TRIT1: variants seen among roughly 807,000 people sequenced by gnomAD.
TRIT1 encodes tRNA dimethylallyltransferase.
TRIT1 carries 43 observed loss-of-function variants against 51.2 expected under a neutral mutation model. The observed-to-expected ratio is 0.84, with a 90% confidence interval of 0.66 to 1.08. The LOEUF (loss-of-function observed/expected upper bound fraction) is 1.08. Among genes scored for constraint, TRIT1 ranks in the 50% least tolerant of loss-of-function variants. The probability of loss-of-function intolerance (pLI) is 0.00; values close to 1 mark genes in which losing one functional copy is unlikely to be tolerated. For missense variants in TRIT1, 528 were observed against 578.4 expected, an observed-to-expected ratio of 0.91 and a Z score of 0.89; for synonymous variants, 184 against 203.9, an observed-to-expected ratio of 0.90 and a Z score of 0.83.
chr1:39,862,748 A>G, intron 1 of TRIT1: 3 of 984,644 alleles, frequency 3.0e-6, no homozygotes, highest in Non-Finnish European at 3.6e-6. Context: ...CCTAGAAAAC[A>G]TTCACATGTG....
intron 1 of TRIT1, among the ~76,000 whole-genome samples, chr1:39,878,684 C>A (rs924314303): frequency 8.5e-5 from 13 of 152,194 alleles, no homozygotes; most frequent in Non-Finnish European, 1.5e-4. Context: ...TGGTGTGTTA[C>A]AACAAAGAAG....
intron 5 of TRIT1, among the ~76,000 whole-genome samples, chr1:39,849,410 C>T (rs568815327): frequency 6.6e-6 from 1 of 152,158 alleles, no homozygotes; most frequent in East Asian, 1.9e-4. Flanking sequence ...TCTTTCCAGG[C>T]CTATCATAGG....
At chr1:39,848,652 G>A (rs1642376742) in intron 5 of TRIT1, among the ~76,000 whole-genome samples, 1 of 151,220 alleles carries the variant, frequency 6.6e-6, no homozygotes. Flanking sequence ...AGTGAAATCT[G>A]TCTCTACCAA....
intron 5 of TRIT1, among the ~76,000 whole-genome samples, chr1:39,849,509 A>G (rs1348037003): frequency 6.6e-6 from 1 of 152,150 alleles, no homozygotes; most frequent in Non-Finnish European, 1.5e-5. Flanking sequence ...AAATATATCT[A>G]GCCCAGCATT....
At chr1:39,855,427 A>C (rs1164038074) in intron 2 of TRIT1, among the ~76,000 whole-genome samples, 1 of 152,210 alleles carries the variant, frequency 6.6e-6, no homozygotes, top group Non-Finnish European at 1.5e-5. Context: ...GTAAGATAAA[A>C]TGTCAATTAT....
intron 4 of TRIT1, among the ~76,000 whole-genome samples, chr1:39,852,257 T>C (rs1485068041): frequency 6.6e-6 from 1 of 152,192 alleles, no homozygotes; most frequent in Non-Finnish European, 1.5e-5. Flanking sequence ...TGTGAGTTCA[T>C]TCACTACCTC....
At chr1:39,880,427 T>C (rs561501357) in intron 1 of TRIT1, among the ~76,000 whole-genome samples, 56 of 152,278 alleles carry the variant, frequency 3.7e-4, no homozygotes, top group African/African-American at 1.3e-3. Flanking sequence ...ATCAACAATA[T>C]CATTTTGTTT....
intron 1 of TRIT1, among the ~76,000 whole-genome samples, chr1:39,857,673 T>A (rs1262333821): frequency 6.6e-6 from 1 of 152,184 alleles, no homozygotes; most frequent in African/African-American, 2.4e-5. Flanking sequence ...GATATGTAAA[T>A]ACATGCCCAG....
intron 1 of TRIT1, among the ~76,000 whole-genome samples, chr1:39,868,952 C>T (rs1249397861): frequency 1.3e-5 from 2 of 152,046 alleles, no homozygotes; most frequent in African/African-American, 2.4e-5. Flanking sequence ...CCCAGCTAGT[C>T]GGGAGGCTGA....
chr1:39,865,901 GAAAA>G, intron 1 of TRIT1, among the ~76,000 whole-genome samples: 1 of 117,438 alleles, frequency 8.5e-6, no homozygotes, highest in East Asian at 2.3e-4. Context: ...GGAAAGAAAA[GAAAA>G]AGAAAGGAAG....
At chr1:39,880,278 A>T (rs1373265748) in intron 1 of TRIT1, among the ~76,000 whole-genome samples, 1 of 146,398 alleles carries the variant, frequency 6.8e-6, no homozygotes, top group East Asian at 1.9e-4. Context: ...TAAAAAAAAA[A>T]AAAAAAAAAA....
intron 4 of TRIT1, among the ~76,000 whole-genome samples, chr1:39,850,915 A>T (rs1277965769): frequency 6.6e-6 from 1 of 152,250 alleles, no homozygotes; most frequent in African/African-American, 2.4e-5. Flanking sequence ...TACTGGCACA[A>T]AGATCACTGA....
Position 39,841,598 on chromosome 1 carries a change from A to C in TRIT1, c.*146T>G. On this transcript the variant is annotated 3_prime_UTR_variant, in exon 11 of 11. Coordinates refer to ENST00000316891, the MANE Select transcript of TRIT1 (RefSeq NM_017646.6). ...TATTATAGAGAACGTGAGACTTTAA[A>C]ACCACATCAAAAGAAAATGGTGGGA... 1.3e-6 allele frequency: 1 copy of C among 791,974 alleles called. No individual in the cohort carries two copies. The allele number at this position is 791,974 out of a possible 1,614,324, so 49.1% of individuals were successfully genotyped here. A position where few individuals can be genotyped will look rare whatever the true frequency, so the allele number is the denominator to read the frequency against.
At chr1:39,844,042 C>T in intron 10 of TRIT1, 59 bp downstream of exon 10, 1 of 1,215,474 alleles carries the variant, frequency 8.2e-7, no homozygotes, top group Non-Finnish European at 1.2e-6. Context: ...CTCTAAATTT[C>T]ATGAAGTCAA....
rs1491234468 is a variant in TRIT1 at position 39,851,965 on chromosome 1, AGT to A, written c.560+764_560+765del. ...CTATCTCTTAAAAAAAAAAAAAAAAAGTAATAATAATAATGAATGTTTTAAAT... is the reference window on the plus strand; with the variant it reads ...CTATCTCTTAAAAAAAAAAAAAAAAAAATAATAATAATGAATGTTTTAAAT... On this transcript the variant is annotated intron_variant, in intron 4 of 10. Coordinates refer to ENST00000316891, the MANE Select transcript of TRIT1 (RefSeq NM_017646.6). Among the ~76,000 whole-genome samples the A allele has an allele frequency of 1.7e-4, 25 of 151,246 alleles. No individual in the cohort carries two copies. The East Asian group carries it at 4.1e-3, about 25-fold the overall frequency.
chr1:39,874,502 T>G (rs1444527642), intron 1 of TRIT1, among the ~76,000 whole-genome samples: 2 of 152,198 alleles, frequency 1.3e-5, no homozygotes, highest in Non-Finnish European at 2.9e-5. Context: ...TGAGTCAATT[T>G]ATGTAATAAC....
Position 39,844,233 on chromosome 1 carries a change from G to C in TRIT1, c.1117-15C>G, listed in dbSNP as rs769067596. The C allele has an allele frequency of 6.4e-7, 1 of 1,562,792 alleles. No individual in the cohort carries two copies. The highest frequency in any genetic ancestry group is 8.8e-7 in the Non-Finnish European group (1 of 1,133,784). ...GGCTTGTGGCCCTAAAAGAACAAGG[G>C]TGGAAGGGAGTATTCAATTCAAAGA... is the stretch of plus-strand genomic sequence containing the variant. On this transcript the variant is annotated splice_polypyrimidine_tract_variant and intron_variant, in intron 9 of 10. Transcript: ENST00000316891.
At chr1:39,869,260 G>A (rs1643734624) in intron 1 of TRIT1, among the ~76,000 whole-genome samples, 1 of 152,164 alleles carries the variant, frequency 6.6e-6, no homozygotes, top group Non-Finnish European at 1.5e-5. Flanking sequence ...ACGCCGCCAC[G>A]CCTGACTGGT....
intron 1 of TRIT1, among the ~76,000 whole-genome samples, chr1:39,867,221 C>G (rs376708378): frequency 2.1e-4 from 32 of 152,308 alleles, no homozygotes; most frequent in African/African-American, 7.0e-4. Context: ...TCTCGGCTCA[C>G]CGCAACCTCC....
Sources: allele counts gnomAD v4.1 joint callset (sites outside exome capture counted in the v4.1 genomes callset), GRCh38; gene constraint gnomAD v4.1.1; transcripts MANE v1.5; gene names NCBI Gene and HGNC (gene_info 2026-07-23, HGNC 2026-07-21).